The following WDR53 variants were observed in gnomAD, a reference collection of about 807,000 sequenced individuals.
WDR53 encodes the protein WD repeat domain 53, also known as WD repeat-containing protein 53.
In WDR53, 19 loss-of-function variants were observed where a neutral mutation model predicts 21.3. That is an observed-to-expected ratio of 0.89 (90% CI 0.62 to 1.31). The LOEUF (loss-of-function observed/expected upper bound fraction) is 1.31, where lower values mean the gene tolerates loss of function less well. Among genes scored for constraint, WDR53 ranks in the 50% most tolerant of loss-of-function variants. The pLI, the probability that WDR53 is intolerant of heterozygous loss-of-function variation, is 0.00. For missense variants in WDR53, 374 were observed against 423.2 expected, an observed-to-expected ratio of 0.88 and a Z score of 1.02; for synonymous variants, 157 against 163.4, an observed-to-expected ratio of 0.96 and a Z score of 0.30.
Position 196,561,305 on chromosome 3 carries a change from G to C in WDR53, c.171C>G (p.Val57=). The C allele has an allele frequency of 6.2e-7, 1 of 1,614,200 alleles. No homozygotes were observed. Among genetic ancestry groups the C allele is most frequent in the Non-Finnish European group, 8.5e-7 (1 of 1,180,034 alleles). Residue 57 remains valine (V), a synonymous_variant, in exon 3 of 4, where the codon GTC becomes GTG. Transcript: ENST00000332629. ...RFQGADDVTS[V]LFSPSCPTKL... ...TGGTGGGACAGGAGGGAGAAAATAA[G>C]ACACTGGTAACATCATCAGCCCCTT...
At chr3:196,563,977 G>GA (rs1481999868) in intron 2 of WDR53, among the ~76,000 whole-genome samples, 3 of 152,116 alleles carry the variant, frequency 2.0e-5, no homozygotes, top group Non-Finnish European at 4.4e-5. Flanking sequence ...ATCAAATACA[G>GA]AAATGTTCAT....
chr3:196,558,971 C>T (rs1304636660), intron 3 of WDR53, among the ~76,000 whole-genome samples: 1 of 152,192 alleles, frequency 6.6e-6, no homozygotes, highest in East Asian at 1.9e-4. Context: ...CAGGGCTGTT[C>T]ACTAGCAAGT....
chr3:196,564,565 A>T (rs1352312208), intron 2 of WDR53, among the ~76,000 whole-genome samples: 1 of 151,090 alleles, frequency 6.6e-6, no homozygotes. Flanking sequence ...GTTTCCCCAC[A>T]TTCCCCAGGC....
At chr3:196,565,447 T>C (rs919527399) in intron 2 of WDR53, among the ~76,000 whole-genome samples, 3 of 151,548 alleles carry the variant, frequency 2.0e-5, no homozygotes, top group African/African-American at 7.3e-5. Context: ...TGGTGGTACG[T>C]GCCTGTAATC....
chr3:196,554,280 C>T lies in WDR53; in HGVS notation c.1008G>A (p.Lys336=), dbSNP rs747038861. ...KVNWLLGTKI[K]GHQNILVADQ... ...CAGCTACTAATATATTTTGGTGTCC[C>T]TTTATTTTTGTACCCAAGAGCCAGT... Residue 336 remains lysine (K), a synonymous_variant, in exon 4 of 4, where the codon AAG becomes AAA. Coordinates refer to ENST00000332629, the MANE Select transcript of WDR53 (RefSeq NM_182627.3). 1.9e-6 allele frequency: 3 copies of T among 1,613,938 alleles called. No individual in the cohort carries two copies. Among genetic ancestry groups the T allele is most frequent in the Non-Finnish European group, 1.7e-6 (2 of 1,179,996 alleles).
intron 1 of WDR53, among the ~76,000 whole-genome samples, chr3:196,567,751 TTG>T (rs3080583): frequency 0.036 from 5,141 of 143,616 alleles, 147 homozygotes; most frequent in East Asian, 0.16. Context: ...GCTGAAATTC[TTG>T]TGTGTGTGTG....
At chr3:196,562,203 C>G (rs915375906) in intron 2 of WDR53, among the ~76,000 whole-genome samples, 1 of 152,192 alleles carries the variant, frequency 6.6e-6, no homozygotes, top group Non-Finnish European at 1.5e-5. Flanking sequence ...AGACCCAACC[C>G]TAGATCTACT....
chr3:196,566,500 G>A (rs1000878622), intron 2 of WDR53, among the ~76,000 whole-genome samples: 1 of 149,674 alleles, frequency 6.7e-6, no homozygotes, highest in Non-Finnish European at 1.5e-5. Context: ...TGCAACCTCC[G>A]TCTCCCAGGT....
chr3:196,560,247 CT>C (rs11425350), intron 3 of WDR53, among the ~76,000 whole-genome samples: 108 of 144,878 alleles, frequency 7.5e-4, no homozygotes, highest in Middle Eastern at 3.6e-3. Context: ...TTTCTTTTTT[CT>C]TTTTTTTTTT....
chr3:196,554,400 G>C lies in WDR53; in HGVS notation c.888C>G (p.Thr296=). Residue 296 remains threonine, a synonymous_variant, in exon 4 of 4, where the codon ACC becomes ACG. Transcript: ENST00000332629. ...HRKKPKRGTC[T]KQGGNTNASV... Reference sequence around the variant, plus strand: ...AAGCGTTAGTATTTCCACCCTGCTTGGTGCAAGTTCCTCTTTTAGGTTTCT... The same window carrying C: ...AAGCGTTAGTATTTCCACCCTGCTTCGTGCAAGTTCCTCTTTTAGGTTTCT... 6.2e-7 allele frequency: 1 copy of C among 1,614,038 alleles called. No homozygotes were observed. The highest frequency in any genetic ancestry group is 8.5e-7 in the Non-Finnish European group (1 of 1,180,012).
Position 196,561,285 on chromosome 3 carries a change from G to A in WDR53, c.191C>T (p.Pro64Leu). The change falls in exon 3 of 4, where the codon CCC (proline) becomes CTC (leucine). Residue 64 changes from proline (P) to leucine (L), a missense_variant. Transcript: ENST00000332629. Reference protein sequence around the residue: ...VTSVLFSPSCPTKLYASHGET... With the variant: ...VTSVLFSPSCLTKLYASHGET... ...TCCATGTGAGGCATAGAGCTTGGTG[G>A]GACAGGAGGGAGAAAATAAGACACT... 6.2e-7 allele frequency: 1 copy of A among 1,614,158 alleles called. No individual in the cohort carries two copies. Among genetic ancestry groups the A allele is most frequent in the Non-Finnish European group, 8.5e-7 (1 of 1,180,030 alleles).
intron 3 of WDR53, among the ~76,000 whole-genome samples, chr3:196,556,808 C>T (rs1560300785): frequency 6.6e-6 from 1 of 152,094 alleles, no homozygotes; most frequent in Non-Finnish European, 1.5e-5. Flanking sequence ...GACATTCAAA[C>T]ATGCACTGCA....
In WDR53 at chr3:196,566,966, G is replaced by A; in HGVS notation, c.-106C>T. 3.8e-6 allele frequency: 1 copy of A among 264,662 alleles called. No individual in the cohort carries two copies. Among genetic ancestry groups the A allele is most frequent in the Non-Finnish European group, 7.7e-6 (1 of 129,872 alleles). 16.4% of individuals were successfully genotyped at this position (264,662 alleles called of 1,614,324 possible). On this transcript the variant is annotated 5_prime_UTR_variant, in exon 2 of 4. An upstream open reading frame in the 5' UTR gains an earlier in-frame stop. Transcript: ENST00000332629. ...CTAGATTAGTAAGAATGACAACATC[G>A]CATCCTTCAAAGGCTCTGCCTCGGC...
At chr3:196,565,109 T>A (rs1577580301) in intron 2 of WDR53, among the ~76,000 whole-genome samples, 1 of 152,192 alleles carries the variant, frequency 6.6e-6, no homozygotes, top group East Asian at 1.9e-4. Context: ...GTGGAACCAG[T>A]AGTAACTCTT....
Position 196,561,223 on chromosome 3 carries a change from C to T in WDR53, c.253G>A (p.Asp85Asn), listed in dbSNP as rs771201245. Residue 85 changes from aspartate (D) to asparagine (N), a missense_variant, in exon 3 of 4, where the codon GAT becomes AAT. Asp to Asn is a conservative substitution (Grantham distance 23, BLOSUM62 1). Transcript: ENST00000332629. ...ISVLDVRSLKDSLDHFHVNEE... is the reference protein window; with the variant it reads ...ISVLDVRSLKNSLDHFHVNEE... ...TTCACATGAAAATGGTCCAAGGAATCTTTGAGGGACCTGACATCCAGTACA... is the reference window on the plus strand; with the variant it reads ...TTCACATGAAAATGGTCCAAGGAATTTTTGAGGGACCTGACATCCAGTACA... 6.2e-7 allele frequency: 1 copy of T among 1,614,206 alleles called. No homozygotes were observed. The highest frequency in any genetic ancestry group is 1.7e-5 in the Admixed American group (1 of 60,018).
chr3:196,562,305 C>T (rs1406843073), intron 2 of WDR53, among the ~76,000 whole-genome samples: 2 of 152,168 alleles, frequency 1.3e-5, no homozygotes, highest in Non-Finnish European at 2.9e-5. Flanking sequence ...GCCGTTAGCC[C>T]GGGCTGGACT....
chr3:196,565,418 T>C (rs566425196), intron 2 of WDR53, among the ~76,000 whole-genome samples: 13 of 151,912 alleles, frequency 8.6e-5, no homozygotes, highest in Non-Finnish European at 1.5e-4. Context: ...CTACTAAAAA[T>C]ACAAAAATTA....
At chr3:196,560,961 A>G in intron 3 of WDR53, 35 bp downstream of exon 3, 1 of 1,559,994 alleles carries the variant, frequency 6.4e-7, no homozygotes. Context: ...AATCCCACTT[A>G]GAAATTCCCC....
chr3:196,558,867 G>A (rs532617572), intron 3 of WDR53, among the ~76,000 whole-genome samples: 1 of 152,316 alleles, frequency 6.6e-6, no homozygotes, highest in Admixed American at 6.5e-5. Flanking sequence ...ACAACCCAGT[G>A]TAGAAACAAA....
Sources: gnomAD v4.1 joint callset for allele counts (sites outside exome capture counted in the v4.1 genomes callset) on GRCh38, gnomAD v4.1.1 for gene constraint, MANE v1.5 for transcripts, NCBI Gene and HGNC (gene_info 2026-07-23, HGNC 2026-07-21) for gene names.